Variants in HS2ST1 observed in about 807,000 individuals in gnomAD.
HS2ST1 encodes 2-O-sulfotransferase.
In HS2ST1, 18 loss-of-function variants were observed where a neutral mutation model predicts 42.9. The ratio of observed to expected loss-of-function variants is 0.42; its 90% CI spans 0.29 to 0.62. The LOEUF (loss-of-function observed/expected upper bound fraction) is 0.62. HS2ST1 is among the 20% of genes least tolerant of loss of function. The probability of loss-of-function intolerance (pLI) is 0.21; values close to 1 mark genes in which losing one functional copy is unlikely to be tolerated. For missense variants in HS2ST1, 334 were observed against 433.8 expected (o/e 0.77, Z 2.04); for synonymous variants, 146 against 152.9 (o/e 0.95, Z 0.33).
At chr1:86,992,947 T>G (rs1468791082) in intron 1 of HS2ST1, 4 of 896,310 alleles carry the variant, frequency 4.5e-6, no homozygotes, top group Non-Finnish European at 6.6e-6. Flanking sequence ...TGGGGGAAAC[T>G]TAGCAAGGCC....
chr1:86,965,948 G>C (rs1466084630), intron 1 of HS2ST1, among the ~76,000 whole-genome samples: 1 of 152,194 alleles, frequency 6.6e-6, no homozygotes, highest in Non-Finnish European at 1.5e-5. Context: ...TCATTTGCCT[G>C]TTTGGTTTTC....
intron 1 of HS2ST1, among the ~76,000 whole-genome samples, chr1:87,004,331 C>T (rs1329835830): frequency 6.6e-6 from 1 of 152,094 alleles, no homozygotes; most frequent in Non-Finnish European, 1.5e-5. Context: ...GTGGAGGTTG[C>T]AGCGAGCCGA....
At chr1:86,920,893 T>C (rs1272115849) in intron 1 of HS2ST1, among the ~76,000 whole-genome samples, 1 of 152,194 alleles carries the variant, frequency 6.6e-6, no homozygotes, top group South Asian at 2.1e-4. Flanking sequence ...TTCCCGAAGC[T>C]TTCCCTCATT....
chr1:86,974,813 G>A (rs553764876), intron 1 of HS2ST1, among the ~76,000 whole-genome samples: 9 of 152,270 alleles, frequency 5.9e-5, no homozygotes, highest in East Asian at 5.8e-4. Context: ...AGTAGTCATC[G>A]CATTTTGGCA....
chr1:86,957,993 A>G (rs1647722957), intron 1 of HS2ST1, among the ~76,000 whole-genome samples: 1 of 152,108 alleles, frequency 6.6e-6, no homozygotes, highest in South Asian at 2.1e-4. Flanking sequence ...GGGTTTCACC[A>G]TGTTGGCCAG....
intron 2 of HS2ST1, among the ~76,000 whole-genome samples, chr1:87,081,970 C>CAA (rs1041749210): frequency 6.4e-5 from 4 of 62,676 alleles, no homozygotes; most frequent in East Asian, 4.6e-4. Flanking sequence ...GACTCCGTCT[C>CAA]AAAAAAAAAA....
At chr1:86,944,494 A>T (rs905981507) in intron 1 of HS2ST1, among the ~76,000 whole-genome samples, 5 of 152,058 alleles carry the variant, frequency 3.3e-5, no homozygotes, top group Non-Finnish European at 7.3e-5. Flanking sequence ...AGCTGGAATT[A>T]TAGGTGTGCA....
intron 1 of HS2ST1, among the ~76,000 whole-genome samples, chr1:86,993,871 A>G (rs1008211704): frequency 4.6e-5 from 7 of 152,164 alleles, no homozygotes; most frequent in Non-Finnish European, 8.8e-5. Context: ...AGGTGGGGTA[A>G]TATGGGAACA....
intron 3 of HS2ST1, among the ~76,000 whole-genome samples, chr1:87,085,228 T>C (rs1371673134): frequency 6.6e-6 from 1 of 152,160 alleles, no homozygotes; most frequent in Non-Finnish European, 1.5e-5. Flanking sequence ...AGCTTAGACA[T>C]GTTTATTCAG....
At chr1:87,047,748 C>G (rs995411678) in intron 1 of HS2ST1, among the ~76,000 whole-genome samples, 1 of 152,096 alleles carries the variant, frequency 6.6e-6, no homozygotes, top group African/African-American at 2.4e-5. Context: ...TTTCTAAAAT[C>G]AATTGATCAT....
At chr1:87,002,318 C>T (rs900882648) in intron 1 of HS2ST1, among the ~76,000 whole-genome samples, 7 of 152,132 alleles carry the variant, frequency 4.6e-5, no homozygotes, top group African/African-American at 1.7e-4. Context: ...CCTAGCCAGG[C>T]GCCATGGCTC....
chr1:86,963,482 T>C (rs1236851899), intron 1 of HS2ST1, among the ~76,000 whole-genome samples: 3 of 152,182 alleles, frequency 2.0e-5, no homozygotes, highest in African/African-American at 7.2e-5. Flanking sequence ...GTGGGTAAGG[T>C]CATAGATCAA....
chr1:87,097,418 G>A (rs371143678), intron 4 of HS2ST1, among the ~76,000 whole-genome samples: 46 of 152,060 alleles, frequency 3.0e-4, no homozygotes, highest in African/African-American at 1.0e-3. Context: ...TTTTTGAGAC[G>A]GAGTCTTGCT....
intron 1 of HS2ST1, among the ~76,000 whole-genome samples, chr1:86,940,159 T>A (rs1660731366): frequency 6.6e-6 from 1 of 151,440 alleles, no homozygotes; most frequent in South Asian, 2.1e-4. Flanking sequence ...AGGTCAGGAG[T>A]TCAAAAGTTC....
At chr1:87,006,386 T>TA (rs1446785450) in intron 1 of HS2ST1, among the ~76,000 whole-genome samples, 1 of 152,120 alleles carries the variant, frequency 6.6e-6, no homozygotes, top group African/African-American at 2.4e-5. Context: ...AAGATATCCT[T>TA]AAATAAAGGG....
intron 1 of HS2ST1, among the ~76,000 whole-genome samples, chr1:86,951,836 C>T (rs1647529815): frequency 6.6e-6 from 1 of 152,220 alleles, no homozygotes; most frequent in South Asian, 2.1e-4. Flanking sequence ...CCTTTGTTGT[C>T]ATTTCAGCAT....
chr1:86,977,929 C>G (rs1648469410), intron 1 of HS2ST1, among the ~76,000 whole-genome samples: 1 of 152,180 alleles, frequency 6.6e-6, no homozygotes, highest in East Asian at 1.9e-4. Context: ...ATGTTTTAAT[C>G]AACAAACAAC....
Position 86,926,979 on chromosome 1 carries a change from G to C in HS2ST1, c.124+11819G>C, listed in dbSNP as rs550088568. Among the ~76,000 whole-genome samples, 9 of 152,276 alleles carry C rather than the reference G, an allele frequency of 5.9e-5. 1 individual carries two copies. Among genetic ancestry groups the C allele is most frequent in the African/African-American group, 1.9e-4 (8 of 41,552 alleles). On this transcript the variant is annotated intron_variant, in intron 1 of 6. Coordinates refer to ENST00000370550, the MANE Select transcript of HS2ST1 (RefSeq NM_012262.4). The stretch of plus-strand genomic sequence containing the variant: ...AAACCAGGCCTTTTGTATCCCTTTA[G>C]ATACAGCTGAGTCTAAGAGGAAGAC...
intron 1 of HS2ST1, among the ~76,000 whole-genome samples, chr1:87,063,184 G>A (rs1349183779): frequency 6.6e-6 from 1 of 151,986 alleles, no homozygotes; most frequent in Admixed American, 6.6e-5. Context: ...GCTCTTGTTT[G>A]TTTTTGTTTC....
Sources: allele counts gnomAD v4.1 joint callset (sites outside exome capture counted in the v4.1 genomes callset), GRCh38; gene constraint gnomAD v4.1.1; transcripts MANE v1.5; gene names NCBI Gene and HGNC (gene_info 2026-07-23, HGNC 2026-07-21).